The following SLC25A26 variants were observed in gnomAD, a reference collection of about 807,000 sequenced individuals.
SLC25A26 encodes the protein solute carrier family 25 member 26.
A neutral mutation model predicts 37.8 loss-of-function variants in SLC25A26; 36 were observed. The observed-to-expected ratio is 0.95, with a 90% CI of 0.73 to 1.26. SLC25A26 has a LOEUF of 1.26. SLC25A26 is among the 50% of genes most tolerant of loss of function. The pLI, the probability that SLC25A26 is intolerant of heterozygous loss-of-function variation, is 0.00. For synonymous variants in SLC25A26, 129 were observed against 122.5 expected (o/e 1.05, Z -0.35); for missense variants, 390 against 331.1 (o/e 1.18, Z -1.38).
rs142843723 is a variant in SLC25A26 at position 66,328,692 on chromosome 3, G to T, written c.454-17672G>T. Among the ~76,000 whole-genome samples, 3 of 152,274 alleles carry T rather than the reference G, an allele frequency of 2.0e-5. No individual in the cohort carries two copies. The East Asian group carries it at 5.8e-4, about 29-fold the overall frequency. ...TATACATTCTTAATCAATAAAGCCT[G>T]TGTGTCTTGAACATTTCCTAGTTAG... On this transcript the variant is annotated intron_variant, in intron 5 of 9. Coordinates refer to ENST00000354883, the MANE Select transcript of SLC25A26 (RefSeq NM_001379210.1).
At chr3:66,375,392 C>A (rs1257374736) in intron 9 of SLC25A26, among the ~76,000 whole-genome samples, 2 of 152,210 alleles carry the variant, frequency 1.3e-5, no homozygotes, top group Non-Finnish European at 2.9e-5. Context: ...GATGAAACAG[C>A]CTTCGATTAG....
intron 9 of SLC25A26, chr3:66,371,522 G>A (rs1328287255): frequency 2.3e-6 from 3 of 1,318,930 alleles, no homozygotes; most frequent in African/African-American, 3.0e-5. Context: ...TTTGTTGAAT[G>A]TGACAACTCT....
At chr3:66,284,301 A>G (rs1240731894) in intron 5 of SLC25A26, among the ~76,000 whole-genome samples, 2 of 152,232 alleles carry the variant, frequency 1.3e-5, no homozygotes, top group East Asian at 1.9e-4. Context: ...ATGAGCTTAG[A>G]TTATGCCACT....
In SLC25A26 at chr3:66,204,442, A is replaced by AAG. The variant is rs1293899984; in HGVS notation, c.-353-16299_-353-16298insGA. Among the ~76,000 whole-genome samples the AAG allele has an allele frequency of 2.3e-3, 297 of 130,518 alleles. 7 individuals are homozygous for AAG. The highest frequency in any genetic ancestry group is 7.1e-3 in the African/African-American group (282 of 39,574). The allele number at this position is 130,518 out of a possible 152,430, so 85.6% of individuals were successfully genotyped here. On this transcript the variant is annotated intron_variant, in intron 1 of 10. Coordinates refer to the SLC25A26 transcript ENST00000676754. ...CTCCGTCTCAAAAAAAAAAAAAAGA[A>AAG]AAAAAGAAAAAAGAAAGAAAAAGAA...
intron 2 of SLC25A26, among the ~76,000 whole-genome samples, chr3:66,240,829 T>A (rs1312389049): frequency 6.7e-6 from 1 of 148,552 alleles, no homozygotes; most frequent in African/African-American, 2.5e-5. Context: ...CACTGCAAGC[T>A]CCGCCTCCTG....
chr3:66,163,921 G>A (rs148689258), intron 1 of SLC25A26, among the ~76,000 whole-genome samples: 9,317 of 152,234 alleles, frequency 0.061, 385 homozygotes, highest in South Asian at 0.17. Flanking sequence ...TACATCTGTG[G>A]GAAAGAGATG....
intron 3 of SLC25A26, among the ~76,000 whole-genome samples, chr3:66,245,342 T>A (rs1021600912): frequency 6.6e-6 from 1 of 152,128 alleles, no homozygotes; most frequent in East Asian, 1.9e-4. Flanking sequence ...CATTAACTTA[T>A]CTTTCTCCCT....
intron 5 of SLC25A26, among the ~76,000 whole-genome samples, chr3:66,322,240 A>G (rs2075714990): frequency 6.6e-6 from 1 of 152,186 alleles, no homozygotes; most frequent in Non-Finnish European, 1.5e-5. Context: ...TTTGTTATTA[A>G]TTCACTAGTT....
At chr3:66,262,640 T>C (rs1027746491) in intron 4 of SLC25A26, among the ~76,000 whole-genome samples, 7 of 152,222 alleles carry the variant, frequency 4.6e-5, no homozygotes, top group African/African-American at 1.4e-4. Context: ...CTTTCCTTTA[T>C]AGTTTTTATG....
At chr3:66,287,472 A>AT (rs1189088822) in intron 5 of SLC25A26, among the ~76,000 whole-genome samples, 1 of 151,928 alleles carries the variant, frequency 6.6e-6, no homozygotes, top group Non-Finnish European at 1.5e-5. Context: ...GAACATGCCT[A>AT]TTTTCTCTTG....
chr3:66,243,054 T>G (rs893567317), intron 2 of SLC25A26, 149 bp from the exon 3 acceptor site: 3 of 516,368 alleles, frequency 5.8e-6, no homozygotes, highest in Non-Finnish European at 1.0e-5. Context: ...TCTGAAAGAG[T>G]GGGGGTAGGA....
intron 5 of SLC25A26, among the ~76,000 whole-genome samples, chr3:66,330,073 G>C (rs1026950403): frequency 3.3e-5 from 5 of 152,068 alleles, no homozygotes; most frequent in Admixed American, 1.3e-4. Flanking sequence ...TATGCTTTCT[G>C]CTCATTTTTC....
At chr3:66,194,610 A>G (rs1364777789) in intron 1 of SLC25A26, among the ~76,000 whole-genome samples, 1 of 152,112 alleles carries the variant, frequency 6.6e-6, no homozygotes, top group Non-Finnish European at 1.5e-5. Context: ...CAAGGATGAA[A>G]ACTCTTTTTT....
chr3:66,324,774 T>C (rs1175020038), intron 5 of SLC25A26, among the ~76,000 whole-genome samples: 2 of 150,566 alleles, frequency 1.3e-5, no homozygotes, highest in East Asian at 4.0e-4. Flanking sequence ...GATTTCATTA[T>C]TAAAGTTCTT....
At position 66,377,909 on chromosome 3, in the gene SLC25A26, G is replaced by A. The variant is rs1035488934; in HGVS notation, c.*102G>A. On this transcript the variant is annotated 3_prime_UTR_variant, in exon 10 of 10. Coordinates refer to ENST00000354883, the MANE Select transcript of SLC25A26 (RefSeq NM_001379210.1). ...CTGAACTATAGGCCCCAGTGCTGAAGACCAGTTGTGCTAAGATACCGGCAT... is the reference window on the plus strand; with the variant it reads ...CTGAACTATAGGCCCCAGTGCTGAAAACCAGTTGTGCTAAGATACCGGCAT... The A allele has an allele frequency of 2.3e-6, 2 of 872,148 alleles. No individual in the cohort carries two copies. Among genetic ancestry groups the A allele is most frequent in the African/African-American group, 1.7e-5 (1 of 59,724 alleles). 54.0% of individuals were successfully genotyped at this position (872,148 alleles called of 1,614,324 possible). A position where few individuals can be genotyped will look rare whatever the true frequency, so the allele number is the denominator to read the frequency against.
chr3:66,272,731 G>C (rs1278322471), intron 5 of SLC25A26, among the ~76,000 whole-genome samples: 1 of 151,852 alleles, frequency 6.6e-6, no homozygotes, highest in Non-Finnish European at 1.5e-5. Context: ...ATTAATTACT[G>C]CTGCAAACAG....
intron 6 of SLC25A26, among the ~76,000 whole-genome samples, chr3:66,349,957 T>G (rs2076412219): frequency 6.6e-6 from 1 of 152,212 alleles, no homozygotes. Context: ...CCCTCATGAC[T>G]AAATAATGTT....
intron 1 of SLC25A26, among the ~76,000 whole-genome samples, chr3:66,175,586 G>T (rs2070573650): frequency 6.6e-6 from 1 of 152,192 alleles, no homozygotes; most frequent in Non-Finnish European, 1.5e-5. Flanking sequence ...CCGAAGATCT[G>T]CAGGGTGTGT....
intron 1 of SLC25A26, among the ~76,000 whole-genome samples, chr3:66,195,620 G>T (rs968059902): frequency 1.3e-5 from 2 of 152,220 alleles, no homozygotes; most frequent in Non-Finnish European, 2.9e-5. Flanking sequence ...TGCCGAGCGA[G>T]GAGCGCACGC....
Sources: gnomAD v4.1 joint callset for allele counts (sites outside exome capture counted in the v4.1 genomes callset) on GRCh38, gnomAD v4.1.1 for gene constraint, MANE v1.5 for transcripts, NCBI Gene and HGNC (gene_info 2026-07-23, HGNC 2026-07-21) for gene names.